Variants in SPINK9 observed in about 807,000 individuals in gnomAD.
The protein encoded by SPINK9 is serine peptidase inhibitor Kazal type 9, also known as serine protease inhibitor Kazal-type 9.
In SPINK9, 3 loss-of-function variants were observed where a neutral mutation model predicts 10.8. The observed-to-expected ratio is 0.28, with a 90% CI of 0.13 to 0.72. SPINK9 has a LOEUF of 0.72. SPINK9 is among the 30% of genes least tolerant of loss of function. The pLI is 0.74. For synonymous variants in SPINK9, 30 were observed against 31.2 expected, an observed-to-expected ratio of 0.96 and a Z score of 0.12; for missense variants, 101 against 103.2, an observed-to-expected ratio of 0.98 and a Z score of 0.09.
chr5:148,336,314 A>C, intron 1 of SPINK9, 108 bp from the exon 2 acceptor site: 1 of 1,163,454 alleles, frequency 8.6e-7, no homozygotes. Flanking sequence ...AGAGAGACTT[A>C]CATTTTTATG....
At chr5:148,332,005 A>T (rs566482785), upstream of SPINK9, among the ~76,000 whole-genome samples, 4 of 152,354 alleles carry the variant, frequency 2.6e-5, no homozygotes, top group African/African-American at 9.6e-5. Context: ...CTTTGGGGTC[A>T]GTTTTCTATA....
intron 3 of SPINK9, 123 bp downstream of exon 3, chr5:148,338,728 A>G (rs1757250486): frequency 3.0e-6 from 2 of 665,082 alleles, no homozygotes; most frequent in Admixed American, 7.6e-5. Flanking sequence ...TAACAAACAG[A>G]ACCTTCCAGT....
At chr5:148,337,302 C>T (rs1171220949) in intron 2 of SPINK9, among the ~76,000 whole-genome samples, 1 of 152,150 alleles carries the variant, frequency 6.6e-6, no homozygotes, top group Non-Finnish European at 1.5e-5. Context: ...TTCTATTCTG[C>T]TGCACTAGCC....
chr5:148,333,893 T>C (rs1275059025), upstream of SPINK9, among the ~76,000 whole-genome samples: 1 of 152,242 alleles, frequency 6.6e-6, no homozygotes, highest in East Asian at 1.9e-4. Flanking sequence ...AGTATACTTA[T>C]AGCAGTTACA....
At chr5:148,327,411 T>G (rs1336642375) in intron 2 of SPINK9, among the ~76,000 whole-genome samples, 4 of 152,190 alleles carry the variant, frequency 2.6e-5, no homozygotes, top group Admixed American at 6.5e-5. Flanking sequence ...ATTAGCCCTT[T>G]GTCAGATGAG....
At chr5:148,327,544 C>A (rs560017695) in intron 2 of SPINK9, among the ~76,000 whole-genome samples, 2 of 152,082 alleles carry the variant, frequency 1.3e-5, no homozygotes, top group African/African-American at 2.4e-5. Context: ...CTTTTGTTGC[C>A]ATTGCTTTTG....
At chr5:148,323,853 C>T (rs1422969) in exon 2 of SPINK9, 201,456 of 699,296 alleles carry the variant, frequency 0.29, 31,321 homozygotes, top group African/African-American at 0.51. Flanking sequence ...CTTAACGCAA[C>T]CTGAACATTT....
chr5:148,336,202 T>C (rs966664135), intron 1 of SPINK9, among the ~76,000 whole-genome samples: 1 of 152,150 alleles, frequency 6.6e-6, no homozygotes. Flanking sequence ...ATCTTTTCCA[T>C]TTCTTTGACT....
At chr5:148,323,132 C>T (rs908583366) in intron 1 of SPINK9, among the ~76,000 whole-genome samples, 9 of 152,010 alleles carry the variant, frequency 5.9e-5, no homozygotes, top group Non-Finnish European at 7.4e-5. Context: ...GGTGAAAAAT[C>T]GCTAGACAAA....
Position 148,335,612 on chromosome 5 carries a change from CTAT to C in SPINK9, c.-1_2del. Reference sequence around the variant, plus strand: ...TCTGACTGCCTTGGCCACTTCAGTACTATGAGAGCAACAGCCATAGTCCTACTC... The same window carrying C: ...TCTGACTGCCTTGGCCACTTCAGTACGAGAGCAACAGCCATAGTCCTACTC... On this transcript the variant is annotated start_lost and 5_prime_UTR_variant, in exon 1 of 4. Coordinates refer to ENST00000377906, the MANE Select transcript of SPINK9 (RefSeq NM_001040433.2). The C allele has an allele frequency of 6.2e-7, 1 of 1,613,572 alleles. No individual in the cohort carries two copies. Among genetic ancestry groups the C allele is most frequent in the African/African-American group, 1.3e-5 (1 of 75,022 alleles).
intron 1 of SPINK9, 44 bp downstream of exon 1, chr5:148,335,712 C>G (rs1757208564): frequency 1.3e-6 from 2 of 1,585,798 alleles, no homozygotes; most frequent in Non-Finnish European, 1.7e-6. Flanking sequence ...GTACTAATAG[C>G]TCATGCAGTC....
At chr5:148,333,607 G>A (rs1484492046), upstream of SPINK9, among the ~76,000 whole-genome samples, 1 of 152,212 alleles carries the variant, frequency 6.6e-6, no homozygotes. Context: ...GGGCAGTAAT[G>A]TCTGGGTGTT....
chr5:148,332,794 G>A (rs1438747211), upstream of SPINK9, among the ~76,000 whole-genome samples: 1 of 152,102 alleles, frequency 6.6e-6, no homozygotes, highest in Non-Finnish European at 1.5e-5. Context: ...CATTAACTTG[G>A]ATTTTTCTAC....
chr5:148,327,968 A>T (rs1381026310), intron 2 of SPINK9, among the ~76,000 whole-genome samples: 1 of 150,978 alleles, frequency 6.6e-6, no homozygotes, highest in Non-Finnish European at 1.5e-5. Context: ...CTTTTGGCTT[A>T]GGATTGACTT....
upstream of SPINK9, among the ~76,000 whole-genome samples, chr5:148,334,992 C>T (rs918424076): frequency 6.6e-6 from 1 of 152,130 alleles, no homozygotes; most frequent in African/African-American, 2.4e-5. Context: ...GTCCCCAGAT[C>T]ATACCAGAAT....
intron 3 of SPINK9, among the ~76,000 whole-genome samples, chr5:148,339,269 C>T (rs1043170832): frequency 6.6e-6 from 1 of 151,750 alleles, no homozygotes; most frequent in African/African-American, 2.4e-5. Flanking sequence ...TGTATAAAAA[C>T]ATATGGGTCA....
intron 2 of SPINK9, among the ~76,000 whole-genome samples, chr5:148,330,146 C>G (rs952976602): frequency 6.6e-6 from 1 of 152,116 alleles, no homozygotes; most frequent in Non-Finnish European, 1.5e-5. Context: ...GTCTAAGTCT[C>G]TTTGTAGGTC....
intron 2 of SPINK9, among the ~76,000 whole-genome samples, chr5:148,329,419 G>T (rs1275830336): frequency 2.0e-5 from 3 of 151,944 alleles, no homozygotes; most frequent in South Asian, 2.1e-4. Flanking sequence ...AGTCTTGCTA[G>T]CCGTCTATCA....
chr5:148,339,676 C>T lies in SPINK9; in HGVS notation c.225C>T (p.Asp75=), dbSNP rs769492767. Residue 75 remains aspartate, a synonymous_variant, in exon 4 of 4, where the codon GAC becomes GAT. Coordinates refer to ENST00000377906, the MANE Select transcript of SPINK9 (RefSeq NM_001040433.2). ...TATATTCTCTCCACAGGAAAACTGA[C>T]GGCACACTTAAATTTGTACATTTTG... ...CFFCSKVKKT[D]GTLKFVHFGK... The T allele has an allele frequency of 1.7e-5, 27 of 1,612,420 alleles. No homozygotes were observed. Among genetic ancestry groups the T allele is most frequent in the East Asian group, 6.7e-5 (3 of 44,820 alleles).
Sources: gnomAD v4.1 joint callset for allele counts (sites outside exome capture counted in the v4.1 genomes callset) on GRCh38, gnomAD v4.1.1 for gene constraint, MANE v1.5 for transcripts, NCBI Gene and HGNC (gene_info 2026-07-23, HGNC 2026-07-21) for gene names.